The following PCBP3 variants were observed in gnomAD, a reference collection of about 807,000 sequenced individuals.
PCBP3 encodes poly(rC) binding protein 3, also known as poly(rC)-binding protein 3.
PCBP3 carries 25 observed loss-of-function variants against 52.7 expected under a neutral mutation model. That is an observed-to-expected ratio of 0.47 (90% confidence interval 0.35 to 0.66). The LOEUF is 0.66. Ranked by LOEUF, PCBP3 falls within the 30% of genes least tolerant of loss-of-function variation. The probability of loss-of-function intolerance (pLI) is 0.01; values close to 1 mark genes in which losing one functional copy is unlikely to be tolerated. For synonymous variants in PCBP3, 162 were observed against 183.0 expected (o/e 0.89, Z 0.93); for missense variants, 391 against 490.3 (o/e 0.80, Z 1.91).
At chr21:45,890,355 G>A (rs112807510) in intron 5 of PCBP3, among the ~76,000 whole-genome samples, 2 of 152,238 alleles carry the variant, frequency 1.3e-5, no homozygotes, top group East Asian at 3.8e-4. Context: ...CACTTAGGGG[G>A]ATGTGGATAA....
At chr21:45,923,903 C>T (rs146215540) in intron 13 of PCBP3, among the ~76,000 whole-genome samples, 33 of 55,110 alleles carry the variant, frequency 6.0e-4, no homozygotes, top group African/African-American at 3.7e-3. Context: ...ATGCGAACAC[C>T]GGGAACAGTC....
chr21:45,740,149 C>T (rs1274449961), intron 3 of PCBP3, among the ~76,000 whole-genome samples: 2 of 152,234 alleles, frequency 1.3e-5, no homozygotes, highest in Non-Finnish European at 2.9e-5. Context: ...CTGCCCCATC[C>T]TCCGACCCAA....
intron 13 of PCBP3, among the ~76,000 whole-genome samples, chr21:45,924,999 G>A (rs1395411740): frequency 4.3e-5 from 4 of 92,630 alleles, no homozygotes; most frequent in South Asian, 3.0e-4. Context: ...ACGTAAGATC[G>A]GGTGTGCACG....
chr21:45,728,546 T>C (rs1219954904), intron 2 of PCBP3: 1 of 152,204 alleles, frequency 6.6e-6, no homozygotes, highest in East Asian at 1.9e-4. Context: ...TTATGTGTAT[T>C]TTTCTGATTT....
chr21:45,879,773 G>GA lies in PCBP3; in HGVS notation c.11-16427dup, dbSNP rs551084901. The stretch of plus-strand genomic sequence containing the variant: ...AAAATACTTTGAAGTAAGAGAAAAT[G>GA]AAAAAAAACCTATAGGATACTAGTA... On this transcript the variant is annotated intron_variant, in intron 5 of 17. Coordinates refer to ENST00000681687, the MANE Select transcript of PCBP3 (RefSeq NM_001384156.1). Among the ~76,000 whole-genome samples the GA allele has an allele frequency of 5.3e-5, 8 of 150,870 alleles. No homozygotes were observed. The East Asian group carries it at 5.8e-4, about 11-fold the overall frequency.
intron 10 of PCBP3, among the ~76,000 whole-genome samples, chr21:45,909,826 C>CCCACCCACTGCCCAGATACGGACCCGG (rs71185168): frequency 1.9e-5 from 1 of 52,566 alleles, no homozygotes; most frequent in Non-Finnish European, 3.7e-5. Flanking sequence ...ACGGACCCGG[C>CCCACCCACTGCCCAGATACGGACCCGG]CCACCCACTG....
At chr21:45,758,223 AT>A (rs1040859500) in intron 4 of PCBP3, among the ~76,000 whole-genome samples, 5 of 152,116 alleles carry the variant, frequency 3.3e-5, no homozygotes, top group African/African-American at 1.2e-4. Flanking sequence ...GATCCTGGAG[AT>A]TTATAGGTTT....
intron 4 of PCBP3, among the ~76,000 whole-genome samples, chr21:45,835,553 GT>G (rs934228435): frequency 2.0e-5 from 3 of 152,232 alleles, no homozygotes; most frequent in African/African-American, 7.2e-5. Flanking sequence ...CAGAAACACA[GT>G]TCCAGGGTTC....
chr21:45,739,378 GC>G (rs1313725306), intron 3 of PCBP3, among the ~76,000 whole-genome samples: 1 of 117,128 alleles, frequency 8.5e-6, no homozygotes, highest in Non-Finnish European at 1.7e-5. Flanking sequence ...CCTCTGGGTA[GC>G]CCCCCCATCT....
intron 11 of PCBP3, 142 bp from the exon 12 acceptor site, chr21:45,913,809 C>T: frequency 1.4e-6 from 1 of 727,248 alleles, no homozygotes; most frequent in Non-Finnish European, 2.3e-6. Flanking sequence ...CCTCCCCCAG[C>T]ACTGCTGCGA....
In PCBP3 at chr21:45,817,619, G is replaced by A. The variant is rs535026685; in HGVS notation, c.-125-32342G>A. ...CGTGAGCAGCAACTTGACAGTGGAC[G>A]CAGCTAGAAAGCAGCCGGCGAGGAG... On this transcript the variant is annotated intron_variant, in intron 4 of 17. Coordinates refer to ENST00000681687, the MANE Select transcript of PCBP3 (RefSeq NM_001384156.1). The surrounding 1 kb of genome is among the most constrained non-coding windows in gnomAD (Gnocchi z 4.3). 7.9e-5 allele frequency among the ~76,000 whole-genome samples: 12 copies of A among 152,318 alleles called. No homozygotes were observed. The highest frequency in any genetic ancestry group is 7.7e-4 in the East Asian group (4 of 5,182).
chr21:45,787,411 A>AT (rs761892935), intron 4 of PCBP3, among the ~76,000 whole-genome samples: 142 of 143,914 alleles, frequency 9.9e-4, no homozygotes, highest in Middle Eastern at 7.1e-3. Flanking sequence ...CACCTGGCTA[A>AT]TTTTTTTTTT....
At chr21:45,876,524 C>T (rs769360091) in intron 5 of PCBP3, among the ~76,000 whole-genome samples, 2 of 152,198 alleles carry the variant, frequency 1.3e-5, no homozygotes, top group African/African-American at 4.8e-5. Flanking sequence ...TCAGAATGCT[C>T]GCCGAGGCCA....
chr21:45,814,984 GGTGA>G lies in PCBP3; in HGVS notation c.-125-34969_-125-34966del, dbSNP rs1362301255. On this transcript the variant is annotated intron_variant, in intron 4 of 17. Transcript: ENST00000681687. ...GGTGAGTGGTGAGTGATGAGTGAGT[GGTGA>G]GTGAGTGGTGAGTGAGTGGTGAGTG... Among the ~76,000 whole-genome samples, 49 of 117,098 alleles carry G rather than the reference GGTGA, an allele frequency of 4.2e-4. 2 individuals carry two copies. Among genetic ancestry groups the G allele is most frequent in the African/African-American group, 1.4e-3 (42 of 29,744 alleles). The allele number at this position is 117,098 out of a possible 152,430, so 76.8% of individuals were successfully genotyped here.
intron 3 of PCBP3, among the ~76,000 whole-genome samples, chr21:45,752,152 G>A (rs1008997604): frequency 1.3e-5 from 2 of 151,868 alleles, no homozygotes; most frequent in Admixed American, 1.3e-4. Context: ...CTTTTATCTA[G>A]ATTTTTAATT....
At chr21:45,795,158 G>A (rs1569232249) in intron 4 of PCBP3, among the ~76,000 whole-genome samples, 1 of 152,108 alleles carries the variant, frequency 6.6e-6, no homozygotes, top group South Asian at 2.1e-4. Context: ...GAAATTCTAA[G>A]AATAAGAGAT....
rs1300223261 is a variant in PCBP3 at position 45,800,100 on chromosome 21, C to T, written c.-126+44648C>T. The stretch of plus-strand genomic sequence containing the variant: ...GCTGTTCTCTCTTCATGAATCATGG[C>T]CTGGCTTCCGTGCAGCTGCCTTTTT... On this transcript the variant is annotated intron_variant, in intron 4 of 17. Transcript: ENST00000681687. The surrounding 1 kb of genome is among the most constrained non-coding windows in gnomAD (Gnocchi z 5.3). Among the ~76,000 whole-genome samples the T allele has an allele frequency of 6.6e-6, 1 of 152,192 alleles. No individual in the cohort carries two copies. The highest frequency in any genetic ancestry group is 2.4e-5 in the African/African-American group (1 of 41,458).
intron 11 of PCBP3, among the ~76,000 whole-genome samples, chr21:45,911,793 C>G (rs984899686): frequency 7.9e-5 from 12 of 152,230 alleles, no homozygotes; most frequent in African/African-American, 2.9e-4. Context: ...GGGGTTCAAA[C>G]CCCATGTTTG....
In PCBP3 at chr21:45,941,888, C is replaced by T; in HGVS notation, c.*182C>T. On this transcript the variant is annotated 3_prime_UTR_variant, in exon 18 of 18. Transcript: ENST00000681687. The stretch of plus-strand genomic sequence containing the variant: ...CGCACACAGCTGCTCTCTACAGAGG[C>T]TGCAGGCTCCGCCGAGTCCCCCCTC... The T allele has an allele frequency of 2.2e-6, 1 of 453,614 alleles. No homozygotes were observed. Among genetic ancestry groups the T allele is most frequent in the East Asian group, 3.5e-5 (1 of 28,482 alleles). 28.1% of individuals were successfully genotyped at this position (453,614 alleles called of 1,614,324 possible).
Sources: gnomAD v4.1 joint callset for allele counts (sites outside exome capture counted in the v4.1 genomes callset) on GRCh38, gnomAD v4.1.1 for gene constraint, Gnocchi (gnomAD v3.1) non-coding constraint, MANE v1.5 for transcripts, NCBI Gene and HGNC (gene_info 2026-07-23, HGNC 2026-07-21) for gene names.